The following MYO16 variants were observed in gnomAD, a reference collection of about 807,000 sequenced individuals.
MYO16 encodes the protein myosin XVI.
In MYO16, 94 loss-of-function variants were observed where a neutral mutation model predicts 205.3. That is an observed-to-expected ratio of 0.46 (90% CI 0.39 to 0.54). The LOEUF is 0.54. Among genes scored for constraint, MYO16 ranks in the 20% least tolerant of loss-of-function variants. The probability of loss-of-function intolerance (pLI) is 0.00; values close to 1 mark genes in which losing one functional copy is unlikely to be tolerated. For synonymous variants in MYO16, 988 were observed against 954.0 expected (o/e 1.04, Z -0.66); for missense variants, 2,315 against 2,387.5 (o/e 0.97, Z 0.63).
intron 4 of MYO16, among the ~76,000 whole-genome samples, chr13:108,763,029 C>A (rs1885661118): frequency 6.6e-6 from 1 of 152,180 alleles, no homozygotes; most frequent in Admixed American, 6.5e-5. Context: ...CTCTCAAATT[C>A]AGGACAATAC....
intron 2 of MYO16, among the ~76,000 whole-genome samples, chr13:108,695,695 T>G (rs1025870893): frequency 2.6e-5 from 4 of 152,178 alleles, no homozygotes; most frequent in African/African-American, 9.7e-5. Flanking sequence ...ATGTTAGTAC[T>G]CATTATTTTA....
chr13:108,899,998 C>T (rs1048021318), intron 15 of MYO16, among the ~76,000 whole-genome samples: 3 of 152,148 alleles, frequency 2.0e-5, no homozygotes, highest in African/African-American at 7.2e-5. Flanking sequence ...CGTGTTTATG[C>T]ACAACTAGTG....
At chr13:108,892,106 G>A (rs746867258) in intron 14 of MYO16, among the ~76,000 whole-genome samples, 31 of 151,970 alleles carry the variant, frequency 2.0e-4, no homozygotes, top group Admixed American at 9.2e-4. Flanking sequence ...GTCTGATTCT[G>A]TAGACTTTTC....
At chr13:108,813,083 C>T (rs147488735) in intron 7 of MYO16, among the ~76,000 whole-genome samples, 3 of 151,974 alleles carry the variant, frequency 2.0e-5, no homozygotes, top group Admixed American at 6.6e-5. Flanking sequence ...GGGTTGGACA[C>T]GGGCAGAGGA....
intron 2 of MYO16, among the ~76,000 whole-genome samples, chr13:108,680,265 C>T (rs1004862696): frequency 6.6e-6 from 1 of 152,234 alleles, no homozygotes; most frequent in Non-Finnish European, 1.5e-5. Flanking sequence ...TGTAGTTTCT[C>T]ACATATTACA....
chr13:108,715,913 G>C (rs9520983), intron 3 of MYO16, among the ~76,000 whole-genome samples: 116 of 151,910 alleles, frequency 7.6e-4, no homozygotes, highest in Middle Eastern at 6.8e-3. Flanking sequence ...GGAATATGTG[G>C]CTTTTTCTCT....
the MYO16 span, among the ~76,000 whole-genome samples, chr13:108,582,994 T>C: frequency 1.3e-5 from 2 of 152,192 alleles, no homozygotes; most frequent in African/African-American, 4.8e-5. Context: ...AGCATTGATA[T>C]TTTAGATTCA....
At chr13:108,543,955 T>C in the MYO16 span, among the ~76,000 whole-genome samples, 1 of 146,724 alleles carries the variant, frequency 6.8e-6, no homozygotes, top group African/African-American at 2.5e-5. Context: ...ATCCCAGCTA[T>C]ACGGGAGGCT....
At chr13:109,123,387 G>C (rs2139766722) in intron 29 of MYO16, among the ~76,000 whole-genome samples, 1 of 152,266 alleles carries the variant, frequency 6.6e-6, no homozygotes, top group African/African-American at 2.4e-5. Flanking sequence ...TTTATTCCAA[G>C]AGATTAAACA....
At chr13:108,738,333 T>C (rs1019077913) in intron 4 of MYO16, among the ~76,000 whole-genome samples, 1 of 152,244 alleles carries the variant, frequency 6.6e-6, no homozygotes, top group Admixed American at 6.5e-5. Context: ...TGGTATACTG[T>C]GTCTTTGTTC....
chr13:108,905,073 C>T lies in MYO16; in HGVS notation c.1778-4930C>T, dbSNP rs557330951. On this transcript the variant is annotated intron_variant, in intron 15 of 34. Transcript: ENST00000457511. ...TAGCTCTTTCTTTTTCTAATTTACT[C>T]GCAAGTCACCTGTTTTCTGGGAGCA... Among the ~76,000 whole-genome samples the T allele has an allele frequency of 2.7e-4, 41 of 152,152 alleles. No homozygotes were observed. The South Asian group carries it at 5.6e-3, about 21-fold the overall frequency.
intron 27 of MYO16, among the ~76,000 whole-genome samples, chr13:109,061,235 A>G (rs1393730882): frequency 6.6e-6 from 1 of 152,166 alleles, no homozygotes; most frequent in Non-Finnish European, 1.5e-5. Context: ...CATATCGGCA[A>G]TAAGGCAGTT....
chr13:109,054,590 A>G (rs1245223201), intron 25 of MYO16, among the ~76,000 whole-genome samples: 1 of 152,052 alleles, frequency 6.6e-6, no homozygotes, highest in Non-Finnish European at 1.5e-5. Flanking sequence ...ATGAGGATCT[A>G]TGTTTATTTT....
At chr13:108,927,519 C>G (rs1882064903) in intron 16 of MYO16, among the ~76,000 whole-genome samples, 1 of 152,112 alleles carries the variant, frequency 6.6e-6, no homozygotes, top group South Asian at 2.1e-4. Flanking sequence ...CTAGAGCTTC[C>G]CAGAACACCC....
intron 6 of MYO16, 133 bp from the exon 7 acceptor site, chr13:108,806,546 T>C (rs1321052832): frequency 1.3e-5 from 8 of 615,656 alleles, no homozygotes; most frequent in Non-Finnish European, 2.1e-5. Context: ...ATTGCATGTA[T>C]GTTCTTTTGT....
intron 4 of MYO16, among the ~76,000 whole-genome samples, chr13:108,735,160 C>A: frequency 6.6e-6 from 1 of 151,946 alleles, no homozygotes; most frequent in South Asian, 2.1e-4. Flanking sequence ...ATGTGCACAA[C>A]CTGCAGGTTT....
chr13:108,912,691 G>A (rs1257306484), intron 16 of MYO16, among the ~76,000 whole-genome samples: 1 of 151,992 alleles, frequency 6.6e-6, no homozygotes, highest in African/African-American at 2.4e-5. Flanking sequence ...CACCTAACTG[G>A]ATTCTGGGGA....
At chr13:108,633,857 A>G (rs1880098618) in intron 1 of MYO16, among the ~76,000 whole-genome samples, 1 of 152,130 alleles carries the variant, frequency 6.6e-6, no homozygotes, top group African/African-American at 2.4e-5. Flanking sequence ...TGTTTCTGCA[A>G]TGCACTAACA....
chr13:108,608,548 T>C (rs1427108737), intron 1 of MYO16, among the ~76,000 whole-genome samples: 2 of 152,188 alleles, frequency 1.3e-5, no homozygotes, highest in Admixed American at 6.5e-5. Flanking sequence ...AATTGCTATA[T>C]GTATGTTAAA....
Sources: allele counts gnomAD v4.1 joint callset (sites outside exome capture counted in the v4.1 genomes callset), GRCh38; gene constraint gnomAD v4.1.1; transcripts MANE v1.5; gene names NCBI Gene and HGNC (gene_info 2026-07-23, HGNC 2026-07-21).